CFB: variants seen among roughly 807,000 people sequenced by gnomAD.
CFB encodes the protein complement factor B.
Under a neutral mutation model 97.2 loss-of-function variants are expected in CFB, and 59 were observed. The ratio of observed to expected loss-of-function variants is 0.61; its 90% CI spans 0.49 to 0.75. The LOEUF (loss-of-function observed/expected upper bound fraction) is 0.75, where lower values mean the gene tolerates loss of function less well. Ranked by LOEUF, CFB falls within the 30% of genes least tolerant of loss-of-function variation. CFB has a pLI of 0.00. For synonymous variants in CFB, 316 were observed against 351.7 expected, an observed-to-expected ratio of 0.90 and a Z score of 1.14; for missense variants, 771 against 959.8, an observed-to-expected ratio of 0.80 and a Z score of 2.60.
Position 31,950,377 on chromosome 6 carries a change from AG to A in CFB, c.1600del (p.Glu534AsnfsTer8). On this transcript the variant is annotated frameshift_variant, in exon 12 of 18. Transcript: ENST00000425368. LOFTEE classifies it high-confidence loss of function. Reference sequence around the variant, plus strand: ...GCACATTGTTTCACTGTGGATGACAAGGAACACTCAATCAAGGTCAGCGTAG... The same window carrying A: ...GCACATTGTTTCACTGTGGATGACAAGAACACTCAATCAAGGTCAGCGTAG... ...TAAHCFTVDD[K>X]EHSIKVSVGG... 1.2e-6 allele frequency: 2 copies of A among 1,613,032 alleles called. No individual in the cohort carries two copies. Among genetic ancestry groups the A allele is most frequent in the Non-Finnish European group, 1.7e-6 (2 of 1,180,024 alleles).
chr6:31,951,982 G>C lies in CFB; in HGVS notation c.2247G>C (p.Leu749=). 6.2e-7 allele frequency: 1 copy of C among 1,613,102 alleles called. No individual in the cohort carries two copies. The highest frequency in any genetic ancestry group is 8.5e-7 in the Non-Finnish European group (1 of 1,180,044). The stretch of plus-strand genomic sequence containing the variant: ...TTCACATCAACCTCTTTCAAGTGCT[G>C]CCCTGGCTGAAGGAGAAACTCCAAG... ...RDFHINLFQV[L]PWLKEKLQDE... The change falls in exon 18 of 18, where the codon CTG becomes CTC. Residue 749 remains leucine, a synonymous_variant. Coordinates refer to ENST00000425368, the MANE Select transcript of CFB (RefSeq NM_001710.6). This position sits in a 1 kb window ranked among gnomAD's most constrained non-coding sequence, Gnocchi z 4.3.
At position 31,949,576 on chromosome 6, in the gene CFB, A is replaced by G; in HGVS notation, c.1408+19A>G. On this transcript the variant is annotated intron_variant, in intron 10 of 17. Transcript: ENST00000425368. The stretch of plus-strand genomic sequence containing the variant: ...ATGATCGGTAGGGAGATACAAGGGA[A>G]TAAAGAACACAACTCTCCTCAGGTT... 4 of 1,612,742 alleles carry G rather than the reference A, an allele frequency of 2.5e-6. No individual in the cohort carries two copies. Among genetic ancestry groups the G allele is most frequent in the Non-Finnish European group, 3.4e-6 (4 of 1,180,000 alleles).
In CFB at chr6:31,952,028, TA is replaced by T. The variant is rs749937923; in HGVS notation, c.2295del (p.Ter765=). The T allele has an allele frequency of 1.2e-6, 2 of 1,612,798 alleles. No homozygotes were observed. ...KLQDEDLGFL[*>X] ...CCAAGATGAGGATTTGGGTTTTCTA[TA>T]AGGGGTTTCCTGCTGGACAGGGGCG... is the stretch of plus-strand genomic sequence containing the variant. On this transcript the variant is annotated frameshift_variant and stop_lost, in exon 18 of 18. Transcript: ENST00000425368. LOFTEE classifies it high-confidence loss of function.
rs769687486 is a variant in CFB, at chr6:31,951,892, G to A, written c.2157G>A (p.Trp719Ter). The change falls in exon 18 of 18, where the codon TGG becomes TGA. Residue 719 changes from tryptophan (W) to a stop codon, truncating the protein, a stop_gained. Coordinates refer to ENST00000425368, the MANE Select transcript of CFB (RefSeq NM_001710.6). LOFTEE classifies it high-confidence loss of function. The surrounding 1 kb of genome is among the most constrained non-coding windows in gnomAD (Gnocchi z 4.3). Reference protein sequence around the residue: ...SRFIQVGVISWGVVDVCKNQK... With the variant: ...SRFIQVGVIS ...CTCTGCAGGTTGGTGTAATCAGCTGGGGAGTAGTGGATGTCTGCAAAAACC... is the reference window on the plus strand; with the variant it reads ...CTCTGCAGGTTGGTGTAATCAGCTGAGGAGTAGTGGATGTCTGCAAAAACC... 1 of 1,613,158 alleles carries A rather than the reference G, an allele frequency of 6.2e-7. No homozygotes were observed. The highest frequency in any genetic ancestry group is 1.1e-5 in the South Asian group (1 of 91,086).
chr6:31,947,677 C>T lies in CFB; in HGVS notation c.659-65C>T. ...TTATACCCTGGAAACCCATGATCCCCCGTCTCTTTGGTCACTGTATCCCTG... is the reference window on the plus strand; with the variant it reads ...TTATACCCTGGAAACCCATGATCCCTCGTCTCTTTGGTCACTGTATCCCTG... On this transcript the variant is annotated intron_variant, in intron 4 of 17. Coordinates refer to ENST00000425368, the MANE Select transcript of CFB (RefSeq NM_001710.6). The surrounding 1 kb of genome is among the most constrained non-coding windows in gnomAD (Gnocchi z 5.3). 6.3e-7 allele frequency: 1 copy of T among 1,587,540 alleles called. No individual in the cohort carries two copies. The highest frequency in any genetic ancestry group is 1.1e-5 in the South Asian group (1 of 90,516).
At position 31,947,370 on chromosome 6, in the gene CFB, C is replaced by T. The variant is rs990116233; in HGVS notation, c.507C>T (p.Gly169=). Residue 169 remains glycine (G), a synonymous_variant, in exon 4 of 18, where the codon GGC becomes GGT. Transcript: ENST00000425368. This position sits in a 1 kb window ranked among gnomAD's most constrained non-coding sequence, Gnocchi z 5.3. ...CAGCGGGGTACTGCTCCAACCCGGG[C>T]ATCCCCATTGGCACAAGGAAGGTGG... ...DNGAGYCSNP[G]IPIGTRKVGS... 1.3e-5 allele frequency: 21 copies of T among 1,612,920 alleles called. No individual in the cohort carries two copies. Among genetic ancestry groups the T allele is most frequent in the Non-Finnish European group, 1.7e-5 (20 of 1,180,022 alleles).
In CFB at chr6:31,950,050, A is replaced by T; in HGVS notation, c.1409A>T (p.Asp470Val). The T allele has an allele frequency of 1.9e-6, 3 of 1,613,014 alleles. No individual in the cohort carries two copies. The highest frequency in any genetic ancestry group is 2.5e-6 in the Non-Finnish European group (3 of 1,179,994). Residue 470 changes from aspartate to valine, a missense_variant and splice_region_variant, in exon 11 of 18, where the codon GAT becomes GTT. By Grantham distance (152) the Asp-to-Val change is radical. Coordinates refer to ENST00000425368, the MANE Select transcript of CFB (RefSeq NM_001710.6). The part of the protein sequence containing the change: ...NLEDVFYQMI[D>V]ESQSLSLCGM... ...TCAGCACATTCTCCTTCTCTGCCAG[A>T]TGAAAGCCAGTCTCTGAGTCTCTGT... is the stretch of plus-strand genomic sequence containing the variant.
Position 31,951,809 on chromosome 6 carries a change from G to T in CFB, c.2140-66G>T, listed in dbSNP as rs956951005. 2.5e-6 allele frequency: 4 copies of T among 1,610,950 alleles called. No homozygotes were observed. The African/African-American group carries it at 4.0e-5, about 16-fold the overall frequency. ...TTTAGGTCAGCTAAGACACAAGCAG[G>T]AACAGCCATGCTTCCAGGATTAGGA... On this transcript the variant is annotated intron_variant, in intron 17 of 17. Transcript: ENST00000425368. The surrounding 1 kb of genome is among the most constrained non-coding windows in gnomAD (Gnocchi z 4.3).
chr6:31,948,026 T>C lies in CFB; in HGVS notation c.842T>C (p.Ile281Thr), dbSNP rs745324553. Residue 281 changes from isoleucine (I) to threonine (T), a missense_variant, in exon 6 of 18, where the codon ATT becomes ACT. Coordinates refer to ENST00000425368, the MANE Select transcript of CFB (RefSeq NM_001710.6). ...IYLVLDGSDS[I>T]GASNFTGAKK... is the part of the protein sequence containing the mutation. ...CTGGTGCTAGATGGATCAGACAGCA[T>C]TGGGGCCAGCAACTTCACAGGAGCC... is the stretch of plus-strand genomic sequence containing the variant. The C allele has an allele frequency of 1.3e-5, 21 of 1,614,020 alleles. No individual in the cohort carries two copies. The highest frequency in any genetic ancestry group is 3.3e-5 in the South Asian group (3 of 91,082).
In CFB at chr6:31,950,064, C is replaced by G. The variant is rs1771652575; in HGVS notation, c.1423C>G (p.Leu475Val). 1 of 1,612,956 alleles carries G rather than the reference C, an allele frequency of 6.2e-7. No individual in the cohort carries two copies. Residue 475 changes from leucine to valine, a missense_variant, in exon 11 of 18, where the codon CTG becomes GTG. Transcript: ENST00000425368. ...FYQMIDESQS[L>V]SLCGMVWEHR... is the part of the protein sequence containing the mutation. ...TTCTCTGCCAGATGAAAGCCAGTCT[C>G]TGAGTCTCTGTGGCATGGTTTGGGA...
rs1291146038 is a variant in CFB at position 31,947,819 on chromosome 6, G to A, written c.736G>A (p.Asp246Asn). The A allele has an allele frequency of 3.1e-6, 5 of 1,613,716 alleles. No individual in the cohort carries two copies. The highest frequency in any genetic ancestry group is 3.4e-6 in the Non-Finnish European group (4 of 1,180,052). Residue 246 changes from aspartate (D) to asparagine (N), a missense_variant, in exon 5 of 18, where the codon GAT becomes AAT. Physicochemically the swap from Asp to Asn is conservative, Grantham distance 23 (BLOSUM62 1). Transcript: ENST00000425368. This position sits in a 1 kb window ranked among gnomAD's most constrained non-coding sequence, Gnocchi z 5.3. ...CCTGACAGAGACCATAGAAGGAGTC[G>A]ATGCTGAGGATGGGCACGGCCCAGG... Reference protein sequence around the residue: ...SSLTETIEGVDAEDGHGPGEQ... With the variant: ...SSLTETIEGVNAEDGHGPGEQ...
intron 7 of CFB, 88 bp downstream of exon 7, chr6:31,948,600 G>A (rs564350730): frequency 1.2e-5 from 19 of 1,585,504 alleles, no homozygotes; most frequent in Non-Finnish European, 1.6e-5. Context: ...GAGGGCGACA[G>A]GGAGGACCAC....
Position 31,946,120 on chromosome 6 carries a change from G to C in CFB, c.-102G>C. 8.5e-7 allele frequency: 1 copy of C among 1,179,056 alleles called. No homozygotes were observed. Among genetic ancestry groups the C allele is most frequent in the Non-Finnish European group, 1.3e-6 (1 of 786,632 alleles). The allele number at this position is 1,179,056 out of a possible 1,614,324, so 73.0% of individuals were successfully genotyped here. On this transcript the variant is annotated 5_prime_UTR_variant, in exon 1 of 18. Coordinates refer to ENST00000425368, the MANE Select transcript of CFB (RefSeq NM_001710.6). This position sits in a 1 kb window ranked among gnomAD's most constrained non-coding sequence, Gnocchi z 6.4. ...GGGAAGGGAATGTGACCAGGTCTAG[G>C]TCTGGAGTTTCAGCTTGGACACTGA...
chr6:31,946,657 C>CGGCAA lies in CFB; in HGVS notation c.298+55_298+56insAGGCA. On this transcript the variant is annotated intron_variant, in intron 2 of 17. Coordinates refer to ENST00000425368, the MANE Select transcript of CFB (RefSeq NM_001710.6). The surrounding 1 kb of genome is among the most constrained non-coding windows in gnomAD (Gnocchi z 6.4). ...TGGCCTAAGGCAGAAACAGGGCAGG[C>CGGCAA]GGCAGCAAGGTCAGGACTAGGATGA... 1 of 1,526,526 alleles carries CGGCAA rather than the reference C, an allele frequency of 6.6e-7. No homozygotes were observed. The highest frequency in any genetic ancestry group is 8.9e-7 in the Non-Finnish European group (1 of 1,119,438). The allele number at this position is 1,526,526 out of a possible 1,614,324, so 94.6% of individuals were successfully genotyped here. A position where few individuals can be genotyped will look rare whatever the true frequency, so the allele number is the denominator to read the frequency against.
chr6:31,949,147 CCCTTCCTCA>C, intron 8 of CFB, 87 bp from the exon 9 acceptor site: 3 of 1,447,286 alleles, frequency 2.1e-6, no homozygotes, highest in Non-Finnish European at 2.9e-6. Flanking sequence ...CTATCTCTAA[CCCTTCCTCA>C]ACTTGCTCAC....
chr6:31,947,394 G>A lies in CFB; in HGVS notation c.531G>A (p.Val177=). The A allele has an allele frequency of 6.2e-7, 1 of 1,613,058 alleles. No homozygotes were observed. Among genetic ancestry groups the A allele is most frequent in the Non-Finnish European group, 8.5e-7 (1 of 1,180,034 alleles). Residue 177 remains valine (V), a synonymous_variant, in exon 4 of 18, where the codon GTG becomes GTA. Transcript: ENST00000425368. The surrounding 1 kb of genome is among the most constrained non-coding windows in gnomAD (Gnocchi z 5.3). The part of the protein sequence containing the change: ...NPGIPIGTRK[V]GSQYRLEDSV... ...GCATCCCCATTGGCACAAGGAAGGTGGGCAGCCAGTACCGCCTTGAAGACA... is the reference window on the plus strand; with the variant it reads ...GCATCCCCATTGGCACAAGGAAGGTAGGCAGCCAGTACCGCCTTGAAGACA...
At chr6:31,950,187 G>A in intron 11 of CFB, 40 bp downstream of exon 11, 2 of 1,610,010 alleles carry the variant, frequency 1.2e-6, no homozygotes, top group Non-Finnish European at 8.5e-7. Context: ...TGGGGGAGGT[G>A]AGGTCAAGGT....
rs1371280638 is a variant in CFB, at chr6:31,951,106, G to A, written c.1856-38G>A. On this transcript the variant is annotated intron_variant, in intron 14 of 17. Transcript: ENST00000425368. This position sits in a 1 kb window ranked among gnomAD's most constrained non-coding sequence, Gnocchi z 4.3. Reference sequence around the variant, plus strand: ...ACAAAGGCAATGGGGAGATGACAGTGGTGGGAGCAGCTGAAGTGACGCAGT... The same window carrying A: ...ACAAAGGCAATGGGGAGATGACAGTAGTGGGAGCAGCTGAAGTGACGCAGT... The A allele has an allele frequency of 6.2e-7, 1 of 1,603,338 alleles. No individual in the cohort carries two copies.
At position 31,946,585 on chromosome 6, in the gene CFB, G is replaced by C. The variant is rs1771437663; in HGVS notation, c.277G>C (p.Val93Leu). The change falls in exon 2 of 18, where the codon GTC becomes CTC. Residue 93 changes from valine (V) to leucine (L), a missense_variant. Transcript: ENST00000425368. The surrounding 1 kb of genome is among the most constrained non-coding windows in gnomAD (Gnocchi z 6.4). Reference protein sequence around the residue: ...STLKTQDQKTVRKAECRAIHC... With the variant: ...STLKTQDQKTLRKAECRAIHC... Reference sequence around the variant, plus strand: ...CCTGAAGACTCAAGACCAAAAGACTGTCAGGAAGGCAGAGTGCAGAGGTTT... The same window carrying C: ...CCTGAAGACTCAAGACCAAAAGACTCTCAGGAAGGCAGAGTGCAGAGGTTT... 4 of 1,610,810 alleles carry C rather than the reference G, an allele frequency of 2.5e-6. No individual in the cohort carries two copies. Among genetic ancestry groups the C allele is most frequent in the South Asian group, 1.1e-5 (1 of 91,086 alleles).
Sources: gnomAD v4.1 joint callset for allele counts on GRCh38, gnomAD v4.1.1 for gene constraint, Gnocchi (gnomAD v3.1) non-coding constraint, MANE v1.5 for transcripts, NCBI Gene and HGNC (gene_info 2026-07-23, HGNC 2026-07-21) for gene names.